Variants in CBFA2T2 observed in about 807,000 individuals in gnomAD.
CBFA2T2 encodes CBFA2/RUNX1 partner transcriptional co-repressor 2.
A neutral mutation model predicts 62.2 loss-of-function variants in CBFA2T2; 11 were observed. The observed-to-expected ratio is 0.18, with a 90% CI of 0.11 to 0.29. The LOEUF (loss-of-function observed/expected upper bound fraction) is 0.29, where lower values mean the gene tolerates loss of function less well. CBFA2T2 is among the 10% of genes least tolerant of loss of function. The probability of loss-of-function intolerance (pLI) is 1.00; values close to 1 mark genes in which losing one functional copy is unlikely to be tolerated. For synonymous variants in CBFA2T2, 295 were observed against 287.5 expected, an observed-to-expected ratio of 1.03 and a Z score of -0.27; for missense variants, 592 against 774.1, an observed-to-expected ratio of 0.76 and a Z score of 2.79.
At chr20:33,551,246 C>T (rs1210480652) in intron 1 of CBFA2T2, among the ~76,000 whole-genome samples, 11 of 142,092 alleles carry the variant, frequency 7.7e-5, no homozygotes, top group Admixed American at 1.4e-4. Context: ...GATGGAGTTT[C>T]GCTGTTGTCG....
At chr20:33,587,879 G>A (rs1174118953) in intron 1 of CBFA2T2, among the ~76,000 whole-genome samples, 1 of 152,206 alleles carries the variant, frequency 6.6e-6, no homozygotes, top group Non-Finnish European at 1.5e-5. Context: ...GAAAATGAGA[G>A]TCAGATGTTC....
At chr20:33,628,636 T>C (rs891991475) in intron 7 of CBFA2T2, among the ~76,000 whole-genome samples, 1 of 152,092 alleles carries the variant, frequency 6.6e-6, no homozygotes, top group African/African-American at 2.4e-5. Flanking sequence ...GCCTGGCTAA[T>C]TTTTGTATTT....
chr20:33,566,771 CCTTT>C (rs1318940104), intron 1 of CBFA2T2, among the ~76,000 whole-genome samples: 2 of 152,104 alleles, frequency 1.3e-5, no homozygotes, highest in African/African-American at 4.8e-5. Flanking sequence ...GGAAAGGTTC[CCTTT>C]CTTCTAGAGC....
chr20:33,583,042 CA>C (rs2014193301), intron 1 of CBFA2T2, among the ~76,000 whole-genome samples: 1 of 151,996 alleles, frequency 6.6e-6, no homozygotes, highest in African/African-American at 2.4e-5. Context: ...ATACTCTTTC[CA>C]TTTTATTTTC....
chr20:33,520,014 G>A (rs1366543269), intron 1 of CBFA2T2, among the ~76,000 whole-genome samples: 1 of 152,012 alleles, frequency 6.6e-6, no homozygotes, highest in Non-Finnish European at 1.5e-5. Flanking sequence ...AGGCATGGTG[G>A]CTCGTGCCTA....
At chr20:33,544,899 G>A (rs539055103) in intron 1 of CBFA2T2, among the ~76,000 whole-genome samples, 29 of 151,986 alleles carry the variant, frequency 1.9e-4, no homozygotes, top group African/African-American at 7.0e-4. Flanking sequence ...GCATCTGATA[G>A]ATGCACAATA....
chr20:33,602,385 T>A (rs762581058), intron 1 of CBFA2T2, among the ~76,000 whole-genome samples: 2 of 148,198 alleles, frequency 1.3e-5, no homozygotes, highest in Non-Finnish European at 3.0e-5. Context: ...TTAGATAACC[T>A]CATTATTTTC....
At chr20:33,579,372 C>T (rs1208469100) in intron 1 of CBFA2T2, among the ~76,000 whole-genome samples, 2 of 151,816 alleles carry the variant, frequency 1.3e-5, no homozygotes, top group African/African-American at 4.8e-5. Context: ...CCAGCCTGTT[C>T]ATTTTCTTAA....
At chr20:33,619,817 C>T (rs1007874645) in intron 4 of CBFA2T2, among the ~76,000 whole-genome samples, 3 of 152,230 alleles carry the variant, frequency 2.0e-5, no homozygotes, top group African/African-American at 7.2e-5. Flanking sequence ...TGTGCAGACA[C>T]TGCTGCTAAC....
rs538301039 is a variant in CBFA2T2, at chr20:33,492,924, A to AT, written c.34+2632dup. 2.4e-3 allele frequency among the ~76,000 whole-genome samples: 355 copies of AT among 150,722 alleles called. 10 individuals carry two copies. In the East Asian group the frequency reaches 0.061, roughly 26 times the overall value. On this transcript the variant is annotated intron_variant, in intron 1 of 10. Transcript: ENST00000342704. ...AGGTGCTCACCACCATGCCTGGCTA[A>AT]TTTTTTTTTGTATTTTTTGTAGAGA...
At chr20:33,596,789 T>A (rs903467683) in intron 1 of CBFA2T2, among the ~76,000 whole-genome samples, 1 of 152,172 alleles carries the variant, frequency 6.6e-6, no homozygotes, top group Non-Finnish European at 1.5e-5. Flanking sequence ...TACTGAGCAT[T>A]TTAAAGGTAA....
intron 1 of CBFA2T2, among the ~76,000 whole-genome samples, chr20:33,586,335 C>T (rs1157185159): frequency 6.6e-6 from 1 of 152,098 alleles, no homozygotes; most frequent in Non-Finnish European, 1.5e-5. Context: ...CGGGGTTTCA[C>T]TGTGTTGTTC....
chr20:33,497,698 C>T (rs1023673202), intron 1 of CBFA2T2, among the ~76,000 whole-genome samples: 5 of 151,908 alleles, frequency 3.3e-5, no homozygotes, highest in Admixed American at 1.3e-4. Flanking sequence ...TACAGGCACA[C>T]GCCACCACGC....
At chr20:33,538,656 G>A (rs1270657835) in intron 1 of CBFA2T2, among the ~76,000 whole-genome samples, 3 of 152,120 alleles carry the variant, frequency 2.0e-5, no homozygotes, top group Non-Finnish European at 4.4e-5. Flanking sequence ...ATGAGCCACC[G>A]TCCCTGGCCT....
At chr20:33,562,317 T>G (rs2146893272) in intron 1 of CBFA2T2, 1 of 948,238 alleles carries the variant, frequency 1.1e-6, no homozygotes, top group South Asian at 4.9e-5. Context: ...CAAAGAGCCC[T>G]GGTAACAGGG....
chr20:33,505,790 A>G (rs1196989520), intron 1 of CBFA2T2, among the ~76,000 whole-genome samples: 1 of 151,996 alleles, frequency 6.6e-6, no homozygotes, highest in East Asian at 1.9e-4. Flanking sequence ...TTCAAAAAAA[A>G]AAAGAAAGAA....
intron 1 of CBFA2T2, among the ~76,000 whole-genome samples, chr20:33,512,892 A>G (rs2011534879): frequency 6.6e-6 from 1 of 151,728 alleles, no homozygotes; most frequent in Non-Finnish European, 1.5e-5. Context: ...AGTTGGGACT[A>G]CAGGCTCCTG....
intron 1 of CBFA2T2, among the ~76,000 whole-genome samples, chr20:33,513,421 A>C (rs2011543782): frequency 6.7e-6 from 1 of 149,522 alleles, no homozygotes; most frequent in South Asian, 2.1e-4. Context: ...GTGCAGTGGC[A>C]CAGTATCAGC....
At chr20:33,618,709 C>T (rs904781774) in intron 3 of CBFA2T2, among the ~76,000 whole-genome samples, 2 of 151,916 alleles carry the variant, frequency 1.3e-5, no homozygotes, top group African/African-American at 2.4e-5. Context: ...AGGTAGGGGG[C>T]AGAACTTGGA....
Sources: gnomAD v4.1 joint callset for allele counts (sites outside exome capture counted in the v4.1 genomes callset) on GRCh38, gnomAD v4.1.1 for gene constraint, MANE v1.5 for transcripts, NCBI Gene and HGNC (gene_info 2026-07-23, HGNC 2026-07-21) for gene names.